RPL23A: variants seen among roughly 807,000 people sequenced by gnomAD.
The protein encoded by RPL23A is ribosomal protein L23a.
RPL23A carries 2 observed loss-of-function variants against 17.6 expected under a neutral mutation model. The observed-to-expected ratio is 0.11, with a 90% CI of 0.05 to 0.36. The LOEUF is 0.36. Ranked by LOEUF, RPL23A falls within the 10% of genes least tolerant of loss-of-function variation. The probability of loss-of-function intolerance (pLI) is 1.00; values close to 1 mark genes in which losing one functional copy is unlikely to be tolerated. For synonymous variants in RPL23A, 65 were observed against 74.3 expected, an observed-to-expected ratio of 0.87 and a Z score of 0.65; for missense variants, 132 against 194.4, an observed-to-expected ratio of 0.68 and a Z score of 1.91.
intron 1 of RPL23A, 123 bp from the exon 2 acceptor site, chr17:28,720,584 C>T (rs2034097019): frequency 3.6e-6 from 5 of 1,370,702 alleles, no homozygotes; most frequent in Non-Finnish European, 5.2e-6. Context: ...TCTCCTGACA[C>T]TTGTGATGTC....
In RPL23A at chr17:28,724,153, G is replaced by A. The variant is rs1209664863; in HGVS notation, c.*272G>A. 7.8e-6 allele frequency: 4 copies of A among 510,552 alleles called. No homozygotes were observed. The highest frequency in any genetic ancestry group is 1.4e-5 in the Non-Finnish European group (4 of 294,130). The allele number at this position is 510,552 out of a possible 1,614,324, so 31.6% of individuals were successfully genotyped here. A position where few individuals can be genotyped will look rare whatever the true frequency, so the allele number is the denominator to read the frequency against. The stretch of plus-strand genomic sequence containing the variant: ...TGCCTCCATGGTTGAGTAACAAGCT[G>A]TACAAGAACCCCTTTTATCCCTGGA... On this transcript the variant is annotated 3_prime_UTR_variant, in exon 5 of 5. Transcript: ENST00000422514.
chr17:28,720,517 T>TTAA (rs1491535702), intron 1 of RPL23A, 190 bp from the exon 2 acceptor site: 2 of 1,523,048 alleles, frequency 1.3e-6, no homozygotes, highest in Non-Finnish European at 1.8e-6. Flanking sequence ...TCCCTGGAGT[T>TTAA]ACTTAGAGTT....
At chr17:28,723,329 C>T in intron 3 of RPL23A, 1 of 705,316 alleles carries the variant, frequency 1.4e-6, no homozygotes, top group Non-Finnish European at 2.6e-6. Context: ...GGAAAGGCAA[C>T]TAGAGTGCGA....
At position 28,720,838 on chromosome 17, in the gene RPL23A, C is replaced by A. The variant is rs1042341978; in HGVS notation, c.157C>A (p.Arg53=). The A allele has an allele frequency of 1.4e-5, 23 of 1,613,890 alleles. No homozygotes were observed. The highest frequency in any genetic ancestry group is 1.9e-5 in the Non-Finnish European group (23 of 1,179,764). Residue 53 remains arginine, a synonymous_variant, in exon 2 of 5, where the codon CGA becomes AGA. Transcript: ENST00000422514. ...SPTFRRPKTL[R]LRRQPKYPRK... is the part of the protein sequence containing the mutation. ...CACCTTCCGGCGGCCGAAGACACTG[C>A]GACTCCGGAGACAGCCCAAATATCC...
chr17:28,723,686 C>T (rs772603396), intron 4 of RPL23A, 46 bp downstream of exon 4: 1 of 1,532,608 alleles, frequency 6.5e-7, no homozygotes. Context: ...CCCTTGGGTG[C>T]AAATGATGCA....
rs1423765214 is a variant in RPL23A, at chr17:28,722,952, A to G, written c.386+53A>G. 2.1e-6 allele frequency: 3 copies of G among 1,443,554 alleles called. No homozygotes were observed. In the African/African-American group the frequency reaches 4.2e-5, roughly 20 times the overall value. 89.4% of individuals were successfully genotyped at this position (1,443,554 alleles called of 1,614,324 possible). A position where few individuals can be genotyped will look rare whatever the true frequency, so the allele number is the denominator to read the frequency against. On this transcript the variant is annotated intron_variant, in intron 3 of 4. Transcript: ENST00000422514. ...CAGGCTGGACCAGCAGTCTGGAGCC[A>G]AAAAAACCTGCATTCCATGAAGCTT...
chr17:28,720,246 G>T (rs1365491845), intron 1 of RPL23A: 1 of 1,541,402 alleles, frequency 6.5e-7, no homozygotes, highest in Non-Finnish European at 8.8e-7. Flanking sequence ...AACGCGGCAG[G>T]CATCATCCGC....
chr17:28,720,301 C>T (rs773846925), intron 1 of RPL23A: 10 of 1,550,286 alleles, frequency 6.5e-6, no homozygotes, highest in East Asian at 2.4e-5. Flanking sequence ...CATGCATCCA[C>T]TGGTTGGAGC....
chr17:28,721,041 A>G lies in RPL23A; in HGVS notation c.209+151A>G, dbSNP rs2034105207. ...AGTATGAGGAGATTGTTTCTGCTGC[A>G]TTTACAAAACTGGCAGGATCAGCCC... On this transcript the variant is annotated intron_variant, in intron 2 of 4. Transcript: ENST00000422514. 6 of 736,876 alleles carry G rather than the reference A, an allele frequency of 8.1e-6. No homozygotes were observed. In the Middle Eastern group the frequency reaches 1.5e-3, roughly 183 times the overall value. 45.6% of individuals were successfully genotyped at this position (736,876 alleles called of 1,614,324 possible).
intron 2 of RPL23A, 22 bp downstream of exon 2, chr17:28,720,912 C>T (rs201385588): frequency 8.1e-6 from 13 of 1,600,750 alleles, no homozygotes; most frequent in Middle Eastern, 3.3e-4. Context: ...CCCCTGTACC[C>T]ATGAAAAGAT....
rs1469510932 is a variant in RPL23A, at chr17:28,720,012, C to T, written c.7C>T (p.Pro3Ser). MA[P>S]KAKKEAPAPP... Reference sequence around the variant, plus strand: ...TGGAGACCCTTTTCACAAGATGGCGCCGAAAGCGAAGAAGGAAGGTGTGTG... The same window carrying T: ...TGGAGACCCTTTTCACAAGATGGCGTCGAAAGCGAAGAAGGAAGGTGTGTG... The change falls in exon 1 of 5, where the codon CCG becomes TCG. Residue 3 changes from proline to serine, a missense_variant. Coordinates refer to ENST00000422514, the MANE Select transcript of RPL23A (RefSeq NM_000984.6). 1.3e-6 allele frequency: 2 copies of T among 1,551,968 alleles called. No individual in the cohort carries two copies. Among genetic ancestry groups the T allele is most frequent in the Non-Finnish European group, 1.7e-6 (2 of 1,147,118 alleles).
In RPL23A at chr17:28,722,739, A is replaced by G. The variant is rs772937257; in HGVS notation, c.226A>G (p.Ile76Val). 3.7e-6 allele frequency: 6 copies of G among 1,613,948 alleles called. No individual in the cohort carries two copies. Among genetic ancestry groups the G allele is most frequent in the Admixed American group, 1.7e-5 (1 of 60,000 alleles). The change falls in exon 3 of 5, where the codon ATC (isoleucine) becomes GTC (valine). Residue 76 changes from isoleucine to valine, a missense_variant. Coordinates refer to ENST00000422514, the MANE Select transcript of RPL23A (RefSeq NM_000984.6). ...CTCTCCCAGGCTTGACCACTATGCT[A>G]TCATCAAGTTTCCGCTGACCACTGA... Reference protein sequence around the residue: ...PRRNKLDHYAIIKFPLTTESA... With the variant: ...PRRNKLDHYAVIKFPLTTESA...
At chr17:28,723,517 A>G in intron 3 of RPL23A, 54 bp from the exon 4 acceptor site, 3 of 1,234,014 alleles carry the variant, frequency 2.4e-6, no homozygotes, top group Non-Finnish European at 3.6e-6. Flanking sequence ...AGGAAGGGGG[A>G]GGGTGTGGGG....
At chr17:28,722,069 C>A (rs2034124128) in intron 2 of RPL23A, among the ~76,000 whole-genome samples, 1 of 151,862 alleles carries the variant, frequency 6.6e-6, no homozygotes, top group Non-Finnish European at 1.5e-5. Flanking sequence ...CACGGTGAAA[C>A]CCCGTCTCTA....
intron 1 of RPL23A, 136 bp downstream of exon 1, chr17:28,720,166 T>A: frequency 6.5e-7 from 1 of 1,528,718 alleles, no homozygotes; most frequent in Non-Finnish European, 8.8e-7. Flanking sequence ...TCGGACACGC[T>A]GCAGTATACG....
Position 28,724,359 on chromosome 17 carries a change from A to T in RPL23A, c.*478A>T. Reference sequence around the variant, plus strand: ...TAAAGGACAAGGACTTCAGAGGAGTACTTTCATTAGTGTTTTCAATAGTGT... The same window carrying T: ...TAAAGGACAAGGACTTCAGAGGAGTTCTTTCATTAGTGTTTTCAATAGTGT... On this transcript the variant is annotated 3_prime_UTR_variant, in exon 5 of 5. Transcript: ENST00000422514. The T allele has an allele frequency of 1.0e-6, 1 of 993,596 alleles. No individual in the cohort carries two copies. Among genetic ancestry groups the T allele is most frequent in the Non-Finnish European group, 1.5e-6 (1 of 670,438 alleles). 61.5% of individuals were successfully genotyped at this position (993,596 alleles called of 1,614,324 possible). A position where few individuals can be genotyped will look rare whatever the true frequency, so the allele number is the denominator to read the frequency against.
rs887052606 is a variant in RPL23A, at chr17:28,720,228, G to GC, written c.25+198_25+199insC. 1.8e-5 allele frequency: 27 copies of GC among 1,539,012 alleles called. No homozygotes were observed. The African/African-American group carries it at 2.3e-4, about 13-fold the overall frequency. On this transcript the variant is annotated intron_variant, in intron 1 of 4. Coordinates refer to ENST00000422514, the MANE Select transcript of RPL23A (RefSeq NM_000984.6). ...GCTGAGTTCCGGTAGAGGGAGTTGG[G>GC]GGGGGGCAACGCGGCAGGCATCATC...
At chr17:28,722,461 GC>G in intron 2 of RPL23A, 1 of 583,602 alleles carries the variant, frequency 1.7e-6, no homozygotes, top group South Asian at 1.4e-5. Flanking sequence ...ACAGCCATGA[GC>G]CAGCACACCT....
At chr17:28,720,561 G>A (rs893793195) in intron 1 of RPL23A, 146 bp from the exon 2 acceptor site, 2 of 1,395,296 alleles carry the variant, frequency 1.4e-6, no homozygotes, top group Non-Finnish European at 2.0e-6. Context: ...TGCATATGAT[G>A]GAAAAGTTTT....
Sources: gnomAD v4.1 joint callset for allele counts (sites outside exome capture counted in the v4.1 genomes callset) on GRCh38, gnomAD v4.1.1 for gene constraint, MANE v1.5 for transcripts, NCBI Gene and HGNC (gene_info 2026-07-23, HGNC 2026-07-21) for gene names.